The following ADAMTSL1 variants were observed in gnomAD, a reference collection of about 807,000 sequenced individuals.
ADAMTSL1 encodes the protein ADAMTS-like protein 1.
ADAMTSL1 carries 126 observed loss-of-function variants against 201.8 expected under a neutral mutation model. The ratio of observed to expected loss-of-function variants is 0.62; its 90% CI spans 0.54 to 0.72. The LOEUF is 0.72. ADAMTSL1 is among the 30% of genes least tolerant of loss of function. The pLI is 0.00. For synonymous variants in ADAMTSL1, 1,121 were observed against 903.4 expected, an observed-to-expected ratio of 1.24 and a Z score of -4.32; for missense variants, 2,679 against 2,277.8, an observed-to-expected ratio of 1.18 and a Z score of -3.59.
At chr9:18,626,064 C>T (rs1231024334) in intron 5 of ADAMTSL1, among the ~76,000 whole-genome samples, 2 of 152,136 alleles carry the variant, frequency 1.3e-5, no homozygotes, top group Non-Finnish European at 2.9e-5. Context: ...AAAGAAAGCA[C>T]AAAACACTAA....
intron 2 of ADAMTSL1, among the ~76,000 whole-genome samples, chr9:18,365,902 A>G (rs1299035815): frequency 6.6e-6 from 1 of 152,110 alleles, no homozygotes; most frequent in Non-Finnish European, 1.5e-5. Context: ...TGAACTGCAC[A>G]TGGGAGGGAG....
chr9:18,110,995 T>C (rs914094739), intron 1 of ADAMTSL1, among the ~76,000 whole-genome samples: 2 of 152,204 alleles, frequency 1.3e-5, no homozygotes, highest in African/African-American at 4.8e-5. Flanking sequence ...TTTTAGCTGA[T>C]GTAAAACAGG....
intron 19 of ADAMTSL1, among the ~76,000 whole-genome samples, chr9:18,794,784 C>A (rs189050833): frequency 5.3e-5 from 8 of 152,234 alleles, no homozygotes; most frequent in African/African-American, 1.9e-4. Flanking sequence ...TAGGCATACA[C>A]CCCCATGCCC....
chr9:18,007,667 A>G (rs570672062), intron 1 of ADAMTSL1, among the ~76,000 whole-genome samples: 44 of 152,094 alleles, frequency 2.9e-4, no homozygotes, highest in Admixed American at 2.2e-3. Context: ...GGGGATGATT[A>G]TGGCACTGAA....
intron 16 of ADAMTSL1, among the ~76,000 whole-genome samples, chr9:18,769,691 C>G (rs961510478): frequency 1.3e-5 from 2 of 152,188 alleles, no homozygotes; most frequent in Non-Finnish European, 2.9e-5. Flanking sequence ...AGATGCCACA[C>G]CATCTTTTTG....
chr9:18,555,606 C>T (rs1305165070), intron 3 of ADAMTSL1, among the ~76,000 whole-genome samples: 3 of 151,810 alleles, frequency 2.0e-5, no homozygotes, highest in Non-Finnish European at 1.5e-5. Flanking sequence ...GTATTAAGTC[C>T]AAAGATGAAG....
At chr9:18,142,654 C>T (rs188435506) in intron 1 of ADAMTSL1, among the ~76,000 whole-genome samples, 17 of 152,236 alleles carry the variant, frequency 1.1e-4, no homozygotes, top group South Asian at 6.2e-4. Context: ...ATTTTTAACA[C>T]GGAAGTCAGA....
chr9:18,832,246 G>C (rs375134042), intron 23 of ADAMTSL1, among the ~76,000 whole-genome samples: 1 of 152,144 alleles, frequency 6.6e-6, no homozygotes, highest in Non-Finnish European at 1.5e-5. Context: ...TCTTAGTCCA[G>C]TGGCTCCCAT....
At chr9:18,631,631 C>T (rs1419538891) in intron 5 of ADAMTSL1, among the ~76,000 whole-genome samples, 1 of 152,150 alleles carries the variant, frequency 6.6e-6, no homozygotes, top group Non-Finnish European at 1.5e-5. Context: ...AAAATATTAT[C>T]CTCATCACCT....
intron 2 of ADAMTSL1, among the ~76,000 whole-genome samples, chr9:18,346,874 C>T (rs1286058319): frequency 6.6e-6 from 1 of 152,188 alleles, no homozygotes; most frequent in Non-Finnish European, 1.5e-5. Context: ...GATCCCAAAA[C>T]AGGAGATGAT....
chr9:18,152,623 C>T (rs1250761368), intron 1 of ADAMTSL1, among the ~76,000 whole-genome samples: 1 of 151,796 alleles, frequency 6.6e-6, no homozygotes, highest in African/African-American at 2.4e-5. Context: ...TTCTCAGTTA[C>T]CACAGAAAAC....
chr9:18,440,614 T>TTA (rs1491383549), intron 2 of ADAMTSL1, among the ~76,000 whole-genome samples: 3 of 150,720 alleles, frequency 2.0e-5, no homozygotes, highest in East Asian at 3.9e-4. Context: ...TATATATATA[T>TTA]TATATATATC....
At chr9:18,335,770 G>A (rs1371581339) in intron 2 of ADAMTSL1, among the ~76,000 whole-genome samples, 1 of 152,120 alleles carries the variant, frequency 6.6e-6, no homozygotes, top group Non-Finnish European at 1.5e-5. Flanking sequence ...GAAAGTATTT[G>A]GAGGTGCTAC....
At chr9:18,061,925 G>T (rs1278059801) in intron 1 of ADAMTSL1, among the ~76,000 whole-genome samples, 3 of 152,130 alleles carry the variant, frequency 2.0e-5, no homozygotes, top group Non-Finnish European at 2.9e-5. Context: ...TTGTGCAAAG[G>T]ATCTGAAGAT....
intron 23 of ADAMTSL1, among the ~76,000 whole-genome samples, chr9:18,844,836 C>A (rs1023863631): frequency 6.6e-6 from 1 of 152,172 alleles, no homozygotes; most frequent in Non-Finnish European, 1.5e-5. Context: ...ATAGGACCCT[C>A]CGAGCCATGT....
chr9:18,308,681 G>A (rs1363707269), intron 2 of ADAMTSL1, among the ~76,000 whole-genome samples: 1 of 152,140 alleles, frequency 6.6e-6, no homozygotes. Flanking sequence ...TTCTGCAATT[G>A]AGGCAGTAAT....
chr9:18,700,875 C>A (rs1428736150), intron 13 of ADAMTSL1, among the ~76,000 whole-genome samples: 1 of 152,068 alleles, frequency 6.6e-6, no homozygotes, highest in African/African-American at 2.4e-5. Context: ...GAACATCTGA[C>A]AAAGATTTAA....
chr9:18,487,264 T>C (rs978251170), intron 1 of ADAMTSL1, among the ~76,000 whole-genome samples: 1 of 152,230 alleles, frequency 6.6e-6, no homozygotes, highest in Non-Finnish European at 1.5e-5. Context: ...TAATCAGGCA[T>C]TGGAATCTCG....
Position 18,718,029 on chromosome 9 carries a change from T to G in ADAMTSL1, c.1877-3507T>G, listed in dbSNP as rs1414258703. 6.9e-6 allele frequency: 11 copies of G among 1,591,506 alleles called. No homozygotes were observed. In the East Asian group the frequency reaches 2.5e-4, roughly 36 times the overall value. ...GCCTTCCCAGGCACTGGAGTTTTTC[T>G]GTTAATCTGCCGCACTAGGTCATAA... On this transcript the variant is annotated intron_variant, in intron 14 of 28. Coordinates refer to ENST00000380548, the MANE Select transcript of ADAMTSL1 (RefSeq NM_001040272.6).
Sources: allele counts gnomAD v4.1 joint callset (sites outside exome capture counted in the v4.1 genomes callset), GRCh38; gene constraint gnomAD v4.1.1; transcripts MANE v1.5; gene names NCBI Gene and HGNC (gene_info 2026-07-23, HGNC 2026-07-21).